Variants in ARMH4 observed in about 807,000 individuals in gnomAD.
ARMH4 encodes the protein armadillo like helical domain containing 4, also known as armadillo-like helical domain-containing protein 4.
A neutral mutation model predicts 61.9 loss-of-function variants in ARMH4; 49 were observed. That is an observed-to-expected ratio of 0.79 (90% CI 0.63 to 1.00). ARMH4 has a LOEUF of 1.00. Ranked by LOEUF, ARMH4 falls within the 50% of genes least tolerant of loss-of-function variation. The probability of loss-of-function intolerance (pLI) is 0.00; values close to 1 mark genes in which losing one functional copy is unlikely to be tolerated. For missense variants in ARMH4, 934 were observed against 930.0 expected, an observed-to-expected ratio of 1.00 and a Z score of -0.06; for synonymous variants, 368 against 341.5, an observed-to-expected ratio of 1.08 and a Z score of -0.85.
intron 5 of ARMH4, among the ~76,000 whole-genome samples, chr14:58,013,921 G>A (rs1016500286): frequency 4.6e-5 from 7 of 152,054 alleles, no homozygotes; most frequent in Admixed American, 2.0e-4. Context: ...CAGCTCAGGA[G>A]ACTGAGGTAG....
intron 5 of ARMH4, among the ~76,000 whole-genome samples, chr14:58,051,312 T>TA (rs1477101660): frequency 6.6e-6 from 1 of 151,778 alleles, no homozygotes; most frequent in Non-Finnish European, 1.5e-5. Context: ...CCCTCCAGAG[T>TA]AAATAGATTC....
At chr14:58,046,677 C>G (rs1336454987) in intron 5 of ARMH4, among the ~76,000 whole-genome samples, 3 of 152,156 alleles carry the variant, frequency 2.0e-5, no homozygotes, top group Non-Finnish European at 1.5e-5. Context: ...ACAAACTTCC[C>G]AAGGGACTTT....
chr14:58,112,008 A>G (rs1360338607), intron 4 of ARMH4, among the ~76,000 whole-genome samples: 1 of 152,070 alleles, frequency 6.6e-6, no homozygotes, highest in Non-Finnish European at 1.5e-5. Context: ...TTCTCTTTTT[A>G]TAAGGACACC....
Position 58,005,139 on chromosome 14 carries a change from A to C in ARMH4, c.2165T>G (p.Ile722Arg). ...SGMLVPVGVG[I>R]AGALFILGAL... Reference sequence around the variant, plus strand: ...TCCCAAGATGAACAAGGCTCCAGCTATCCCAACCCCTACAGGCACCAGCAT... The same window carrying C: ...TCCCAAGATGAACAAGGCTCCAGCTCTCCCAACCCCTACAGGCACCAGCAT... Residue 722 changes from isoleucine (I) to arginine (R), a missense_variant, in exon 7 of 8, where the codon ATA (isoleucine) becomes AGA (arginine). By Grantham distance (97) the Ile-to-Arg change is moderately conservative (BLOSUM62 -3). Coordinates refer to ENST00000267485, the MANE Select transcript of ARMH4 (RefSeq NM_001001872.4). 1 of 1,613,970 alleles carries C rather than the reference A, an allele frequency of 6.2e-7. No homozygotes were observed. Among genetic ancestry groups the C allele is most frequent in the Non-Finnish European group, 8.5e-7 (1 of 1,179,926 alleles).
chr14:58,013,458 A>G (rs1042986098), intron 5 of ARMH4, among the ~76,000 whole-genome samples: 1 of 152,184 alleles, frequency 6.6e-6, no homozygotes, highest in Non-Finnish European at 1.5e-5. Flanking sequence ...CAGGCTACAT[A>G]TGGGCCATGG....
At chr14:58,147,688 G>A (rs750928043) in intron 1 of ARMH4, among the ~76,000 whole-genome samples, 24 of 152,108 alleles carry the variant, frequency 1.6e-4, no homozygotes, top group Non-Finnish European at 3.4e-4. Context: ...TGTGCCAAGC[G>A]TTCTAAGTGC....
At chr14:58,042,332 A>C (rs905817830) in intron 5 of ARMH4, among the ~76,000 whole-genome samples, 3 of 152,166 alleles carry the variant, frequency 2.0e-5, no homozygotes, top group East Asian at 3.8e-4. Context: ...AACTGAACAA[A>C]CTGCTCCTGA....
At chr14:58,148,362 T>G (rs924602410) in intron 1 of ARMH4, among the ~76,000 whole-genome samples, 1 of 152,192 alleles carries the variant, frequency 6.6e-6, no homozygotes, top group African/African-American at 2.4e-5. Flanking sequence ...TCCCAAGTTT[T>G]GAGAATGACA....
rs2139976627 is a variant in ARMH4 at position 58,138,246 on chromosome 14, T to A, written c.1113A>T (p.Glu371Asp). The A allele has an allele frequency of 6.2e-7, 1 of 1,614,238 alleles. No homozygotes were observed. The highest frequency in any genetic ancestry group is 1.6e-4 in the Middle Eastern group (1 of 6,062). The change falls in exon 2 of 8, where the codon GAA becomes GAT. Residue 371 changes from glutamate (E) to aspartate (D), a missense_variant. Glu to Asp is a conservative substitution (Grantham distance 45, BLOSUM62 2). Transcript: ENST00000267485. The part of the protein sequence containing the change: ...EAAQVALGLP[E>D]GETHTGTALL... The stretch of plus-strand genomic sequence containing the variant: ...GGGCTGTGCCCGTGTGTGTTTCCCC[T>A]TCAGGCAGCCCCAGAGCCACCTGTG...
Position 58,022,918 on chromosome 14 carries a change from A to G in ARMH4, c.2090-10768T>C, listed in dbSNP as rs185104775. Among the ~76,000 whole-genome samples, 83 of 152,362 alleles carry G rather than the reference A, an allele frequency of 5.4e-4. 1 individual carries two copies. Among genetic ancestry groups the G allele is most frequent in the Admixed American group, 1.2e-3 (19 of 15,302 alleles). On this transcript the variant is annotated intron_variant, in intron 5 of 7. Coordinates refer to ENST00000267485, the MANE Select transcript of ARMH4 (RefSeq NM_001001872.4). ...TGGTTTCTCAGTGTCTGTAAAAGTT[A>G]TATTTGCACTATAGTATAGTCTAGT...
intron 5 of ARMH4, among the ~76,000 whole-genome samples, chr14:58,076,110 G>A (rs1426998675): frequency 6.7e-6 from 1 of 148,434 alleles, no homozygotes; most frequent in Non-Finnish European, 1.5e-5. Context: ...AAGGGGGAGG[G>A]GGAAGGGGAG....
At chr14:58,029,152 G>A (rs1207026731) in intron 5 of ARMH4, among the ~76,000 whole-genome samples, 1 of 151,802 alleles carries the variant, frequency 6.6e-6, no homozygotes, top group African/African-American at 2.4e-5. Flanking sequence ...CTGTCTCTAT[G>A]GACTTACCTA....
At chr14:58,032,452 T>C (rs961137291) in intron 5 of ARMH4, among the ~76,000 whole-genome samples, 1 of 152,218 alleles carries the variant, frequency 6.6e-6, no homozygotes, top group Non-Finnish European at 1.5e-5. Flanking sequence ...ATGAAGACTA[T>C]GAACCCCTAC....
Position 58,004,125 on chromosome 14 carries a change from T to C in ARMH4, c.*611A>G, listed in dbSNP as rs1320486705. 1 of 152,096 alleles carries C rather than the reference T, an allele frequency of 6.6e-6. No homozygotes were observed. The highest frequency in any genetic ancestry group is 1.5e-5 in the Non-Finnish European group (1 of 68,016). 9.4% of individuals were successfully genotyped at this position (152,096 alleles called of 1,614,324 possible). On this transcript the variant is annotated 3_prime_UTR_variant, in exon 8 of 8. Coordinates refer to ENST00000267485, the MANE Select transcript of ARMH4 (RefSeq NM_001001872.4). ...TCCTCGCCAAGAATAAAACGGAAGG[T>C]GAGAATAATAAAACTAGGAGACTGA...
At chr14:58,029,111 C>A (rs559220482) in intron 5 of ARMH4, among the ~76,000 whole-genome samples, 2 of 152,298 alleles carry the variant, frequency 1.3e-5, no homozygotes, top group South Asian at 4.1e-4. Context: ...TCCCCTCACT[C>A]CCCAGCCCCT....
chr14:58,052,896 C>A (rs978897644), intron 5 of ARMH4, among the ~76,000 whole-genome samples: 1 of 152,066 alleles, frequency 6.6e-6, no homozygotes, highest in Non-Finnish European at 1.5e-5. Context: ...CCTACTCTTC[C>A]CCTAACTCAG....
chr14:58,050,736 G>A (rs1221870853), intron 5 of ARMH4, among the ~76,000 whole-genome samples: 1 of 151,868 alleles, frequency 6.6e-6, no homozygotes, highest in African/African-American at 2.4e-5. Context: ...GGTCAACAAT[G>A]TTAAGTATAT....
intron 6 of ARMH4, among the ~76,000 whole-genome samples, chr14:58,010,832 T>C (rs962492142): frequency 9.9e-6 from 1 of 100,904 alleles, no homozygotes; most frequent in Admixed American, 9.5e-5. Context: ...TTTATTTTCT[T>C]AAGCCTTTTT....
chr14:58,030,721 T>G (rs11629444), intron 5 of ARMH4, among the ~76,000 whole-genome samples: 26,629 of 152,244 alleles, frequency 0.17, 2,806 homozygotes, highest in East Asian at 0.48. Flanking sequence ...AGTATTTGTC[T>G]TTTGGGGATG....
Sources: gnomAD v4.1 joint callset for allele counts (sites outside exome capture counted in the v4.1 genomes callset) on GRCh38, gnomAD v4.1.1 for gene constraint, MANE v1.5 for transcripts, NCBI Gene and HGNC (gene_info 2026-07-23, HGNC 2026-07-21) for gene names.